MAP3K20: variants seen among roughly 807,000 people sequenced by gnomAD.
The protein encoded by MAP3K20 is HCCS-4.
In MAP3K20, 40 loss-of-function variants were observed where a neutral mutation model predicts 85.7. That is an observed-to-expected ratio of 0.47 (90% CI 0.36 to 0.61). The LOEUF (loss-of-function observed/expected upper bound fraction) is 0.61, where lower values mean the gene tolerates loss of function less well. Among genes scored for constraint, MAP3K20 ranks in the 20% least tolerant of loss-of-function variants. MAP3K20 has a pLI of 0.00. For missense variants in MAP3K20, 817 were observed against 961.7 expected (o/e 0.85, Z 1.99); for synonymous variants, 325 against 327.7 (o/e 0.99, Z 0.09).
chr2:173,213,038 C>A (rs1303667625), intron 10 of MAP3K20, among the ~76,000 whole-genome samples: 1 of 151,852 alleles, frequency 6.6e-6, no homozygotes, highest in African/African-American at 2.4e-5. Context: ...TAGAATGTTT[C>A]TATTTTTTAT....
At chr2:173,189,342 TG>T (rs1171253482) in intron 5 of MAP3K20, among the ~76,000 whole-genome samples, 1 of 152,172 alleles carries the variant, frequency 6.6e-6, no homozygotes. Flanking sequence ...TTTCCCTCCT[TG>T]GTAAAATCAT....
intron 7 of MAP3K20, among the ~76,000 whole-genome samples, chr2:173,194,518 G>C (rs1253161482): frequency 6.6e-6 from 1 of 152,020 alleles, no homozygotes; most frequent in Non-Finnish European, 1.5e-5. Flanking sequence ...TTAAGGTTGG[G>C]ACCATGTTAG....
In MAP3K20 at chr2:173,132,480, C is replaced by G. The variant is rs367950547; in HGVS notation, c.160-37325C>G. Among the ~76,000 whole-genome samples the G allele has an allele frequency of 5.4e-4, 82 of 152,264 alleles. 1 individual carries two copies. The South Asian group carries it at 9.5e-3, about 18-fold the overall frequency. On this transcript the variant is annotated intron_variant, in intron 2 of 19. Transcript: ENST00000375213. ...GACTCCAGCTGAAATGCATTTCTAC[C>G]CCTTCCCTGCCCCTCAGGCGCTTCT...
intron 1 of MAP3K20, among the ~76,000 whole-genome samples, chr2:173,084,912 CAG>C (rs1461036299): frequency 3.9e-5 from 6 of 152,202 alleles, no homozygotes; most frequent in Non-Finnish European, 8.8e-5. Context: ...TAGCTAATAA[CAG>C]ATCTGCTCAT....
chr2:173,121,236 T>C (rs1688277520), intron 2 of MAP3K20, among the ~76,000 whole-genome samples: 1 of 152,192 alleles, frequency 6.6e-6, no homozygotes, highest in South Asian at 2.1e-4. Flanking sequence ...GACTACTCAA[T>C]TCCATGCTTA....
intron 16 of MAP3K20, among the ~76,000 whole-genome samples, chr2:173,247,653 G>A (rs1235247003): frequency 1.3e-5 from 2 of 152,094 alleles, no homozygotes; most frequent in African/African-American, 2.4e-5. Context: ...TTAACAGCAG[G>A]TTGTTATATA....
chr2:173,225,182 A>G, intron 11 of MAP3K20: 1 of 981,030 alleles, frequency 1.0e-6, no homozygotes, highest in South Asian at 4.7e-5. Flanking sequence ...ATGGTGTTTG[A>G]GAGTGTTGGG....
intron 7 of MAP3K20, 61 bp downstream of exon 7, chr2:173,191,238 AAG>A (rs3037119): frequency 0.02 from 31,852 of 1,597,664 alleles, 1,005 homozygotes; most frequent in Admixed American, 0.14. Context: ...CACTCAAAAG[AAG>A]AGAGATACAG....
intron 5 of MAP3K20, among the ~76,000 whole-genome samples, chr2:173,188,126 G>C (rs568947883): frequency 2.7e-5 from 4 of 150,380 alleles, no homozygotes; most frequent in African/African-American, 9.8e-5. Context: ...TGAGCCACAT[G>C]ATTGGAAGTT....
intron 1 of MAP3K20, among the ~76,000 whole-genome samples, chr2:173,079,683 T>C (rs1573993810): frequency 6.6e-6 from 1 of 152,194 alleles, no homozygotes; most frequent in Non-Finnish European, 1.5e-5. Context: ...TCTTAAACTT[T>C]GTTAAAAACT....
At chr2:173,256,480 A>AATGG (rs1685161802) in intron 16 of MAP3K20, among the ~76,000 whole-genome samples, 1 of 149,250 alleles carries the variant, frequency 6.7e-6, no homozygotes, top group African/African-American at 2.5e-5. Context: ...AATTTAAAAA[A>AATGG]ATAGATAGAT....
intron 2 of MAP3K20, among the ~76,000 whole-genome samples, chr2:173,115,867 T>G (rs377275568): frequency 6.6e-6 from 1 of 152,124 alleles, no homozygotes; most frequent in African/African-American, 2.4e-5. Context: ...GTCCGTGCTT[T>G]GCTTCTTATT....
At chr2:173,136,662 A>G (rs1368629634) in intron 2 of MAP3K20, among the ~76,000 whole-genome samples, 1 of 152,228 alleles carries the variant, frequency 6.6e-6, no homozygotes, top group African/African-American at 2.4e-5. Context: ...GAGAACGTAA[A>G]AGAGGTGACC....
chr2:173,084,853 A>C (rs904365073), intron 1 of MAP3K20, among the ~76,000 whole-genome samples: 1 of 152,204 alleles, frequency 6.6e-6, no homozygotes, highest in African/African-American at 2.4e-5. Context: ...CACTGGTATT[A>C]TTGCCAGTGA....
intron 9 of MAP3K20, among the ~76,000 whole-genome samples, chr2:173,207,320 C>T (rs750969112): frequency 5.9e-5 from 9 of 152,062 alleles, no homozygotes; most frequent in African/African-American, 1.2e-4. Context: ...AGTGAAACCC[C>T]GTCTCTACTA....
intron 8 of MAP3K20, among the ~76,000 whole-genome samples, chr2:173,201,903 GT>G (rs1691077238): frequency 6.6e-6 from 1 of 152,170 alleles, no homozygotes; most frequent in Non-Finnish European, 1.5e-5. Flanking sequence ...TGACTTCGAT[GT>G]GGTATCTAAA....
chr2:173,168,909 A>G (rs372422483), intron 2 of MAP3K20, among the ~76,000 whole-genome samples: 4 of 152,250 alleles, frequency 2.6e-5, no homozygotes, highest in Admixed American at 6.5e-5. Flanking sequence ...AATACAACTT[A>G]TTTTTACCAT....
intron 19 of MAP3K20, 105 bp downstream of exon 19, chr2:173,264,000 G>T: frequency 6.9e-7 from 1 of 1,442,688 alleles, no homozygotes; most frequent in South Asian, 1.5e-5. Flanking sequence ...AATCAGTTAA[G>T]ATCTATCTTT....
At chr2:173,246,483 G>A (rs1442083553) in intron 16 of MAP3K20, among the ~76,000 whole-genome samples, 1 of 152,116 alleles carries the variant, frequency 6.6e-6, no homozygotes, top group African/African-American at 2.4e-5. Context: ...ATATTCGGCT[G>A]CCTAGATTTT....
Sources: gnomAD v4.1 joint callset for allele counts (sites outside exome capture counted in the v4.1 genomes callset) on GRCh38, gnomAD v4.1.1 for gene constraint, MANE v1.5 for transcripts, NCBI Gene and HGNC (gene_info 2026-07-23, HGNC 2026-07-21) for gene names.